The following NEXMIF variants were observed in gnomAD, a reference collection of about 807,000 sequenced individuals.
The protein encoded by NEXMIF is XLMR protein related to neurite extension.
Under a neutral mutation model 62.1 loss-of-function variants are expected in NEXMIF, and 8 were observed. The ratio of observed to expected loss-of-function variants is 0.13; its 90% CI spans 0.08 to 0.23. NEXMIF has a LOEUF of 0.23. NEXMIF is among the 10% of genes least tolerant of loss of function. NEXMIF has a pLI of 1.00. For missense variants in NEXMIF, 976 were observed against 1,113.3 expected, an observed-to-expected ratio of 0.88 and a Z score of 1.75; for synonymous variants, 404 against 416.6, an observed-to-expected ratio of 0.97 and a Z score of 0.37.
chrX:74,810,270 T>C (rs781485052), intron 1 of NEXMIF, among the ~76,000 whole-genome samples: 3 of 111,566 alleles, frequency 2.7e-5, no homozygotes, highest in Non-Finnish European at 3.8e-5. Context: ...GGATAAAACA[T>C]AGGGAGATGT....
intron 1 of NEXMIF, among the ~76,000 whole-genome samples, chrX:74,789,007 A>G (rs1024285136): frequency 2.7e-5 from 3 of 109,827 alleles, no homozygotes; most frequent in African/African-American, 1.0e-4. Flanking sequence ...TTTAAGTTTT[A>G]GGGTACATGT....
intron 1 of NEXMIF, among the ~76,000 whole-genome samples, chrX:74,887,256 G>A (rs372939513): frequency 2.7e-5 from 3 of 110,984 alleles, no homozygotes; most frequent in Admixed American, 1.9e-4. Flanking sequence ...ACTTCATGTC[G>A]AAAACACCAA....
intron 1 of NEXMIF, among the ~76,000 whole-genome samples, chrX:74,837,049 CAGCA>C (rs2080459401): frequency 9.0e-6 from 1 of 111,268 alleles, no homozygotes; most frequent in Non-Finnish European, 1.9e-5. Context: ...TGACTGAGCC[CAGCA>C]TGGCTTTTTT....
At position 74,831,300 on chromosome X, in the gene NEXMIF, G is replaced by C. The variant is rs184857574; in HGVS notation, c.-47-85603C>G. Among the ~76,000 whole-genome samples, 324 of 108,938 alleles carry C rather than the reference G, an allele frequency of 3.0e-3. 2 individuals are homozygous for C. Among genetic ancestry groups the C allele is most frequent in the South Asian group, 9.1e-3 (22 of 2,425 alleles). The allele number at this position is 108,938 out of a possible 115,157, so 94.6% of individuals were successfully genotyped here. On this transcript the variant is annotated intron_variant, in intron 1 of 3. Coordinates refer to ENST00000055682, the MANE Select transcript of NEXMIF (RefSeq NM_001008537.3). ...GTTGGTGTGCTGTACCCATTAACTC[G>C]TCATTTAGCATTACGTATATCTCCT...
chrX:74,797,806 G>A (rs1245046866), intron 1 of NEXMIF, among the ~76,000 whole-genome samples: 1 of 111,682 alleles, frequency 9.0e-6, no homozygotes, highest in Non-Finnish European at 1.9e-5. Context: ...AAAACCAGCT[G>A]CTTTACCAAG....
chrX:74,922,931 A>G (rs1346210178), intron 1 of NEXMIF, among the ~76,000 whole-genome samples: 2 of 111,818 alleles, frequency 1.8e-5, no homozygotes, highest in East Asian at 5.6e-4. Flanking sequence ...AATAAGAGAA[A>G]GTAAATAGAG....
chrX:74,759,292 T>C lies in NEXMIF; in HGVS notation c.-47-13595A>G, dbSNP rs942764761. The stretch of plus-strand genomic sequence containing the variant: ...CTTAAAGATGCTGGATATTAGACCT[T>C]TGTCGAATGCATAGTTTGTAAAAAT... On this transcript the variant is annotated intron_variant, in intron 1 of 3. Coordinates refer to ENST00000055682, the MANE Select transcript of NEXMIF (RefSeq NM_001008537.3). Among the ~76,000 whole-genome samples the C allele has an allele frequency of 3.6e-5, 4 of 112,559 alleles. No individual in the cohort carries two copies. In the East Asian group the frequency reaches 1.1e-3, roughly 31 times the overall value.
At chrX:74,899,442 A>G (rs1209592456) in intron 1 of NEXMIF, among the ~76,000 whole-genome samples, 1 of 111,888 alleles carries the variant, frequency 8.9e-6, no homozygotes, top group Non-Finnish European at 1.9e-5. Context: ...ATAATGGACT[A>G]CCCAAGAAAG....
intron 1 of NEXMIF, among the ~76,000 whole-genome samples, chrX:74,767,456 C>T (rs1052493094): frequency 9.0e-6 from 1 of 111,507 alleles, no homozygotes; most frequent in African/African-American, 3.3e-5. Context: ...TTGTAGGCTT[C>T]GGTTGGGAGA....
At position 74,734,701 on chromosome X, in the gene NEXMIF, T is replaced by G. The variant is rs892381404; in HGVS notation, c.*4704A>C. ...ATAAACTTTGTTCTAAACCTCTGTC[T>G]TTTACATTGTCCTTCTCCAATGCCT... On this transcript the variant is annotated 3_prime_UTR_variant, in exon 4 of 4. Transcript: ENST00000055682. The G allele has an allele frequency of 4.5e-5, 5 of 112,139 alleles. No homozygotes were observed. The highest frequency in any genetic ancestry group is 1.6e-4 in the African/African-American group (5 of 30,834). 9.2% of individuals were successfully genotyped at this position (112,139 alleles called of 1,213,427 possible).
chrX:74,920,038 G>C (rs1453339211), intron 1 of NEXMIF, among the ~76,000 whole-genome samples: 1 of 111,889 alleles, frequency 8.9e-6, no homozygotes, highest in African/African-American at 3.3e-5. Flanking sequence ...TTGGACGTTT[G>C]GGTTGGTTCC....
intron 1 of NEXMIF, among the ~76,000 whole-genome samples, chrX:74,891,952 C>G (rs1227064002): frequency 8.9e-6 from 1 of 112,367 alleles, no homozygotes; most frequent in Non-Finnish European, 1.9e-5. Flanking sequence ...GGGATGTTCT[C>G]AAGCCGGGCT....
At chrX:74,748,711 T>C (rs2080133175) in intron 1 of NEXMIF, among the ~76,000 whole-genome samples, 3 of 111,836 alleles carry the variant, frequency 2.7e-5, no homozygotes, top group Non-Finnish European at 5.6e-5. Flanking sequence ...CTATCTGCCC[T>C]TCCCCTCAGC....
intron 1 of NEXMIF, among the ~76,000 whole-genome samples, chrX:74,827,917 T>C (rs1569350904): frequency 8.9e-6 from 1 of 112,230 alleles, no homozygotes; most frequent in South Asian, 3.7e-4. Flanking sequence ...GTTGCCTTCA[T>C]GGGTGGAGAG....
At chrX:74,862,214 A>G (rs776863433) in intron 1 of NEXMIF, among the ~76,000 whole-genome samples, 17 of 111,568 alleles carry the variant, frequency 1.5e-4, no homozygotes, top group Non-Finnish European at 2.6e-4. Flanking sequence ...AACAGACTTT[A>G]AAACGACAAA....
At chrX:74,796,222 C>T (rs866772097) in intron 1 of NEXMIF, among the ~76,000 whole-genome samples, 24 of 54,071 alleles carry the variant, frequency 4.4e-4, no homozygotes, top group Admixed American at 6.0e-4. Flanking sequence ...TATATATATA[C>T]ATATATAATA....
chrX:74,882,926 T>C (rs959917261), intron 1 of NEXMIF, among the ~76,000 whole-genome samples: 1 of 110,849 alleles, frequency 9.0e-6, no homozygotes, highest in African/African-American at 3.3e-5. Context: ...CTCACACAAC[T>C]GGGTACTCCT....
chrX:74,799,055 G>C (rs1200973369), intron 1 of NEXMIF, among the ~76,000 whole-genome samples: 1 of 110,624 alleles, frequency 9.0e-6, no homozygotes, highest in Non-Finnish European at 1.9e-5. Flanking sequence ...TGTAGGGAGG[G>C]GGTCTTGCCA....
intron 1 of NEXMIF, among the ~76,000 whole-genome samples, chrX:74,756,594 T>G (rs1383578270): frequency 9.0e-6 from 1 of 111,579 alleles, no homozygotes; most frequent in Non-Finnish European, 1.9e-5. Flanking sequence ...GGGTTGGGCC[T>G]AAGAATAAGT....
Sources: allele counts gnomAD v4.1 joint callset (sites outside exome capture counted in the v4.1 genomes callset), GRCh38; gene constraint gnomAD v4.1.1; transcripts MANE v1.5; gene names NCBI Gene and HGNC (gene_info 2026-07-23, HGNC 2026-07-21).